Variants in CSMD3 observed in about 807,000 individuals in gnomAD.
CSMD3 encodes CUB and sushi domain-containing protein 3.
A neutral mutation model predicts 435.2 loss-of-function variants in CSMD3; 177 were observed. The ratio of observed to expected loss-of-function variants is 0.41; its 90% CI spans 0.36 to 0.46. The LOEUF is 0.46. CSMD3 is among the 20% of genes least tolerant of loss of function. CSMD3 has a pLI of 0.34. For synonymous variants in CSMD3, 1,656 were observed against 1,520.5 expected (o/e 1.09, Z -2.07); for missense variants, 4,265 against 4,504.6 (o/e 0.95, Z 1.52).
At chr8:113,420,411 C>T (rs924309564) in intron 1 of CSMD3, among the ~76,000 whole-genome samples, 7 of 151,700 alleles carry the variant, frequency 4.6e-5, no homozygotes, top group Non-Finnish European at 8.8e-5. Context: ...GTTATACATA[C>T]GATAGTAAGA....
chr8:112,766,354 C>T (rs930457363), intron 13 of CSMD3, among the ~76,000 whole-genome samples: 3 of 151,262 alleles, frequency 2.0e-5, no homozygotes, highest in African/African-American at 7.3e-5. Context: ...TTAGAGTGAA[C>T]AGAGACCTCT....
chr8:113,084,407 A>G (rs908976186), intron 5 of CSMD3, among the ~76,000 whole-genome samples: 1 of 152,086 alleles, frequency 6.6e-6, no homozygotes, highest in Non-Finnish European at 1.5e-5. Context: ...TAGGTGAAAG[A>G]TCTCTACAAT....
chr8:113,264,964 T>C (rs7825515), intron 3 of CSMD3, among the ~76,000 whole-genome samples: 102,150 of 151,330 alleles, frequency 0.68, 36,411 homozygotes, highest in East Asian at 0.95. Context: ...TTGGAACATG[T>C]GAGGAATATG....
intron 63 of CSMD3, among the ~76,000 whole-genome samples, chr8:112,253,020 A>G (rs948787353): frequency 2.6e-5 from 4 of 151,844 alleles, no homozygotes; most frequent in African/African-American, 9.7e-5. Context: ...CTCCACGTTA[A>G]TCATTCTCAT....
Position 112,921,621 on chromosome 8 carries a change from C to G in CSMD3, c.1633+6G>C, listed in dbSNP as rs1229132133. The stretch of plus-strand genomic sequence containing the variant: ...GTGTTCAGAGGGCATTATTATAAAA[C>G]ATTACCTTTACACACAGGCCTGTGA... On this transcript the variant is annotated splice_donor_region_variant and intron_variant, in intron 10 of 70. Coordinates refer to ENST00000297405, the MANE Select transcript of CSMD3 (RefSeq NM_198123.2). The G allele has an allele frequency of 1.9e-6, 3 of 1,610,670 alleles. No homozygotes were observed. Among genetic ancestry groups the G allele is most frequent in the Admixed American group, 3.3e-5 (2 of 59,874 alleles).
At chr8:113,203,405 T>C (rs1408766119) in intron 3 of CSMD3, among the ~76,000 whole-genome samples, 1 of 151,868 alleles carries the variant, frequency 6.6e-6, no homozygotes, top group Non-Finnish European at 1.5e-5. Flanking sequence ...CCTCTTGGGC[T>C]CAAATGACCC....
chr8:112,671,865 G>C (rs2075664347), intron 16 of CSMD3, among the ~76,000 whole-genome samples: 1 of 151,914 alleles, frequency 6.6e-6, no homozygotes, highest in Non-Finnish European at 1.5e-5. Flanking sequence ...TAGTCCAAAG[G>C]TTTTTAGTAT....
chr8:112,898,881 A>G (rs1192799765), intron 10 of CSMD3, among the ~76,000 whole-genome samples: 2 of 151,240 alleles, frequency 1.3e-5, no homozygotes, highest in Non-Finnish European at 3.0e-5. Context: ...GGGAAACTGC[A>G]GAAGACATAA....
intron 5 of CSMD3, among the ~76,000 whole-genome samples, chr8:113,085,607 A>G (rs1028655317): frequency 1.3e-5 from 2 of 152,188 alleles, no homozygotes; most frequent in African/African-American, 4.8e-5. Flanking sequence ...ATAAAAAAGA[A>G]TGAAATCCTG....
intron 1 of CSMD3, among the ~76,000 whole-genome samples, chr8:113,354,127 G>T (rs1159307197): frequency 6.6e-6 from 1 of 152,102 alleles, no homozygotes; most frequent in Non-Finnish European, 1.5e-5. Flanking sequence ...TCAAAGGAGA[G>T]GCCAGGTAAA....
intron 4 of CSMD3, among the ~76,000 whole-genome samples, chr8:113,126,264 G>A (rs1298453117): frequency 6.6e-6 from 1 of 151,698 alleles, no homozygotes; most frequent in South Asian, 2.1e-4. Context: ...CACACTACAA[G>A]GCCAGAATGA....
intron 16 of CSMD3, among the ~76,000 whole-genome samples, chr8:112,669,602 A>T (rs1487926509): frequency 6.6e-6 from 1 of 152,182 alleles, no homozygotes; most frequent in Non-Finnish European, 1.5e-5. Flanking sequence ...TGGCTGAACA[A>T]GAAAAATTTG....
intron 24 of CSMD3, among the ~76,000 whole-genome samples, chr8:112,569,517 T>G (rs1236224095): frequency 6.6e-6 from 1 of 152,166 alleles, no homozygotes; most frequent in Non-Finnish European, 1.5e-5. Context: ...TAAAACGCAC[T>G]TTAAAGGTCT....
At chr8:113,149,663 T>C (rs1204144505) in intron 4 of CSMD3, among the ~76,000 whole-genome samples, 1 of 151,974 alleles carries the variant, frequency 6.6e-6, no homozygotes, top group African/African-American at 2.4e-5. Context: ...AATTTACTTT[T>C]AGCTAGTGAA....
chr8:112,305,169 G>C (rs190713434), intron 51 of CSMD3, among the ~76,000 whole-genome samples: 26 of 152,224 alleles, frequency 1.7e-4, no homozygotes, highest in African/African-American at 5.8e-4. Context: ...TAGAATCCCA[G>C]TTGTTGGCTT....
At chr8:112,845,806 G>C (rs578182025) in intron 11 of CSMD3, among the ~76,000 whole-genome samples, 2 of 151,978 alleles carry the variant, frequency 1.3e-5, no homozygotes, top group African/African-American at 2.4e-5. Flanking sequence ...CAACTTCAAG[G>C]CATACTAATT....
chr8:112,282,055 G>A (rs574140024), intron 58 of CSMD3, among the ~76,000 whole-genome samples: 1 of 152,118 alleles, frequency 6.6e-6, no homozygotes, highest in South Asian at 2.1e-4. Flanking sequence ...TGACTTAAAA[G>A]CTATAATATA....
At chr8:112,861,563 C>A (rs2080827941) in intron 10 of CSMD3, among the ~76,000 whole-genome samples, 1 of 151,814 alleles carries the variant, frequency 6.6e-6, no homozygotes, top group Non-Finnish European at 1.5e-5. Context: ...ATTCTATTTA[C>A]TTAAACAAAG....
intron 5 of CSMD3, among the ~76,000 whole-genome samples, chr8:113,028,633 A>G (rs2086966571): frequency 6.6e-6 from 1 of 151,550 alleles, no homozygotes; most frequent in Admixed American, 6.6e-5. Context: ...TGATACGGAG[A>G]AAGTTTTAGT....
Sources: allele counts gnomAD v4.1 joint callset (sites outside exome capture counted in the v4.1 genomes callset), GRCh38; gene constraint gnomAD v4.1.1; transcripts MANE v1.5; gene names NCBI Gene and HGNC (gene_info 2026-07-23, HGNC 2026-07-21).